The following ARB2A variants were observed in gnomAD, a reference collection of about 807,000 sequenced individuals.
ARB2A encodes cotranscriptional regulator ARB2A.
the ARB2A span, among the ~76,000 whole-genome samples, chr5:94,079,219 A>G: frequency 6.6e-6 from 1 of 152,184 alleles, no homozygotes; most frequent in Non-Finnish European, 1.5e-5. Flanking sequence ...ATTCCTTTAC[A>G]TTCCTTTAAT....
the ARB2A span, among the ~76,000 whole-genome samples, chr5:93,903,078 C>T: frequency 6.6e-6 from 1 of 152,058 alleles, no homozygotes; most frequent in African/African-American, 2.4e-5. Flanking sequence ...TAAATTGTAA[C>T]ATGGTCAGCG....
the ARB2A span, chr5:93,620,706 G>A: frequency 1.3e-5 from 4 of 305,786 alleles, no homozygotes; most frequent in East Asian, 5.5e-5. Flanking sequence ...GAGCTTCGCC[G>A]GCCGAGCCAG....
the ARB2A span, among the ~76,000 whole-genome samples, chr5:94,072,046 G>T: frequency 1.3e-5 from 2 of 152,000 alleles, no homozygotes; most frequent in African/African-American, 4.8e-5. Flanking sequence ...AAACACAAAT[G>T]AACTACTGAT....
chr5:93,944,784 G>C, the ARB2A span, among the ~76,000 whole-genome samples: 1 of 152,126 alleles, frequency 6.6e-6, no homozygotes, highest in East Asian at 1.9e-4. Context: ...AGAAAATGGA[G>C]GATACAGATG....
At chr5:94,022,897 G>A in the ARB2A span, among the ~76,000 whole-genome samples, 2 of 152,208 alleles carry the variant, frequency 1.3e-5, no homozygotes, top group Non-Finnish European at 2.9e-5. Context: ...CATGCCCCAT[G>A]AGTTAGGATT....
At chr5:93,701,046 T>A in the ARB2A span, among the ~76,000 whole-genome samples, 2 of 152,130 alleles carry the variant, frequency 1.3e-5, no homozygotes, top group African/African-American at 4.8e-5. Context: ...TTGTGGGGAA[T>A]GTGTTTGTAT....
At chr5:93,767,205 T>C in the ARB2A span, among the ~76,000 whole-genome samples, 1 of 151,892 alleles carries the variant, frequency 6.6e-6, no homozygotes, top group East Asian at 1.9e-4. Context: ...AAAAATCCCA[T>C]CAACAAGGGG....
the ARB2A span, among the ~76,000 whole-genome samples, chr5:93,786,791 T>C: frequency 3.9e-5 from 6 of 152,156 alleles, no homozygotes; most frequent in Non-Finnish European, 7.4e-5. Context: ...CCACTGTGAA[T>C]GAGTACTGAT....
chr5:93,787,071 A>C, the ARB2A span, among the ~76,000 whole-genome samples: 1 of 152,188 alleles, frequency 6.6e-6, no homozygotes, highest in African/African-American at 2.4e-5. Context: ...GATATTAAAC[A>C]ACTTGAAATT....
chr5:93,846,202 T>G, the ARB2A span, among the ~76,000 whole-genome samples: 2 of 152,094 alleles, frequency 1.3e-5, no homozygotes, highest in African/African-American at 4.8e-5. Context: ...AGAGAAGAGT[T>G]GCTATCTAAA....
the ARB2A span, among the ~76,000 whole-genome samples, chr5:93,810,758 T>C: frequency 6.6e-6 from 1 of 152,054 alleles, no homozygotes. Flanking sequence ...AATCTAGTGC[T>C]CTTTTTTTTG....
the ARB2A span, among the ~76,000 whole-genome samples, chr5:93,676,879 C>T: frequency 3.3e-5 from 5 of 152,106 alleles, no homozygotes; most frequent in South Asian, 2.1e-4. Flanking sequence ...GACTGCTTGT[C>T]GGGTGAAGGA....
the ARB2A span, among the ~76,000 whole-genome samples, chr5:93,882,868 C>T: frequency 6.6e-6 from 1 of 151,318 alleles, no homozygotes; most frequent in Non-Finnish European, 1.5e-5. Context: ...AAATCTCATC[C>T]TTACTTAAAA....
chr5:93,780,606 C>T, the ARB2A span, among the ~76,000 whole-genome samples: 1 of 151,220 alleles, frequency 6.6e-6, no homozygotes, highest in East Asian at 2.0e-4. Flanking sequence ...GTTGGCCAGG[C>T]AGGAGTGTAA....
At chr5:94,075,842 C>T in the ARB2A span, among the ~76,000 whole-genome samples, 48 of 152,170 alleles carry the variant, frequency 3.2e-4, no homozygotes, top group African/African-American at 1.0e-3. Flanking sequence ...ATCAATGCTG[C>T]CCTTGTGTCA....
the ARB2A span, among the ~76,000 whole-genome samples, chr5:94,082,568 T>C: frequency 6.6e-6 from 1 of 152,192 alleles, no homozygotes; most frequent in East Asian, 1.9e-4. Flanking sequence ...GGCATTTAAG[T>C]ACCACTCAAA....
the ARB2A span, among the ~76,000 whole-genome samples, chr5:93,916,519 T>C: frequency 2.6e-5 from 4 of 152,170 alleles, no homozygotes; most frequent in South Asian, 4.1e-4. Flanking sequence ...TTTAAAAATA[T>C]GACCTATTTC....
At chr5:93,729,359 T>A in the ARB2A span, among the ~76,000 whole-genome samples, 2 of 152,098 alleles carry the variant, frequency 1.3e-5, no homozygotes, top group African/African-American at 4.8e-5. Flanking sequence ...CCTTAACAGG[T>A]GCTAATTAGA....
chr5:93,653,214 T>C, the ARB2A span, among the ~76,000 whole-genome samples: 1 of 152,024 alleles, frequency 6.6e-6, no homozygotes, highest in Non-Finnish European at 1.5e-5. Flanking sequence ...GATGTTTTCT[T>C]CTGGTCACAT....
Sources: gnomAD v4.1 joint callset for allele counts (sites outside exome capture counted in the v4.1 genomes callset) on GRCh38, gnomAD v4.1.1 for gene constraint, MANE v1.5 for transcripts, NCBI Gene and HGNC (gene_info 2026-07-23, HGNC 2026-07-21) for gene names.